Variants in DAB1 observed in about 807,000 individuals in gnomAD.
DAB1 encodes the protein DAB adaptor protein 1, also known as disabled homolog 1.
In DAB1, 15 loss-of-function variants were observed where a neutral mutation model predicts 64.6. The observed-to-expected ratio is 0.23, with a 90% CI of 0.16 to 0.36. DAB1 has a LOEUF of 0.36. Among genes scored for constraint, DAB1 ranks in the 10% least tolerant of loss-of-function variants. The probability of loss-of-function intolerance (pLI) is 1.00; values close to 1 mark genes in which losing one functional copy is unlikely to be tolerated. For missense variants in DAB1, 596 were observed against 706.7 expected, an observed-to-expected ratio of 0.84 and a Z score of 1.78; for synonymous variants, 235 against 251.9, an observed-to-expected ratio of 0.93 and a Z score of 0.64.
intron 14 of DAB1, among the ~76,000 whole-genome samples, chr1:57,009,639 T>C (rs1646202739): frequency 6.6e-6 from 1 of 152,096 alleles, no homozygotes; most frequent in South Asian, 2.1e-4. Flanking sequence ...GTTCAGAACT[T>C]AAAAAAGGAG....
rs117475984 is a variant in DAB1 at position 57,138,905 on chromosome 1, T to A, written c.208-2264A>T. Among the ~76,000 whole-genome samples the A allele has an allele frequency of 5.1e-4, 77 of 152,316 alleles. 1 individual carries two copies. In the South Asian group the frequency reaches 0.013, roughly 26 times the overall value. ...AATAGAACAAAAGTTCAGTTGTGCA[T>A]GGAACTTTTTTTATTTGGTTTGTGC... On this transcript the variant is annotated intron_variant, in intron 3 of 14. Transcript: ENST00000371236.
At chr1:57,925,474 T>C (rs1644865719) in intron 5 of DAB1, among the ~76,000 whole-genome samples, 1 of 152,176 alleles carries the variant, frequency 6.6e-6, no homozygotes, top group Non-Finnish European at 1.5e-5. Flanking sequence ...TTTTATTCAC[T>C]CTCTAAACAT....
intron 3 of DAB1, among the ~76,000 whole-genome samples, chr1:58,398,074 T>G (rs962341552): frequency 6.6e-6 from 1 of 152,086 alleles, no homozygotes; most frequent in Non-Finnish European, 1.5e-5. Flanking sequence ...GCACATGGAT[T>G]CCGATCTATC....
chr1:58,300,615 AGAGAGAGAGAG>A (rs1557726095), intron 4 of DAB1, among the ~76,000 whole-genome samples: 40 of 39,070 alleles, frequency 1.0e-3, no homozygotes, highest in Non-Finnish European at 1.3e-3. Flanking sequence ...AAAGAAAGAG[AGAGAGAGAGAG>A]AGAGAGAGAG....
At chr1:57,891,455 G>C (rs1644312373) in intron 5 of DAB1, among the ~76,000 whole-genome samples, 1 of 152,122 alleles carries the variant, frequency 6.6e-6, no homozygotes, top group African/African-American at 2.4e-5. Context: ...TGTGGTGATT[G>C]CTCAAAGATC....
intron 6 of DAB1, among the ~76,000 whole-genome samples, chr1:57,792,118 G>C (rs768396242): frequency 1.1e-4 from 17 of 152,098 alleles, no homozygotes; most frequent in Non-Finnish European, 4.4e-5. Flanking sequence ...ATGTGGACTT[G>C]AAAAACAGCT....
At chr1:57,604,091 A>G (rs975827816) in intron 7 of DAB1, among the ~76,000 whole-genome samples, 8 of 152,146 alleles carry the variant, frequency 5.3e-5, no homozygotes, top group African/African-American at 1.9e-4. Context: ...TGTCACCTCA[A>G]TGGGTATGAC....
At chr1:58,429,632 T>C (rs116250840) in intron 3 of DAB1, among the ~76,000 whole-genome samples, 1,543 of 152,104 alleles carry the variant, frequency 0.01, 28 homozygotes, top group African/African-American at 0.036. Flanking sequence ...AGGAAGTTTA[T>C]AGATAGAGAG....
At position 57,899,516 on chromosome 1, in the gene DAB1, G is replaced by T. The variant is rs575783424; in HGVS notation, n.388-15354C>A. ...TTTTAACAGAATAAAGGTCAAAGCA[G>T]TTGAAGATATCTTAGGTATCACTGG... is the stretch of plus-strand genomic sequence containing the variant. On this transcript the variant is annotated intron_variant and non_coding_transcript_variant, in intron 5 of 20. Coordinates refer to the DAB1 transcript ENST00000485760. Among the ~76,000 whole-genome samples the T allele has an allele frequency of 1.4e-4, 22 of 152,232 alleles. No individual in the cohort carries two copies. In the South Asian group the frequency reaches 4.6e-3, roughly 32 times the overall value.
At chr1:57,984,252 G>GA (rs1221803395) in intron 5 of DAB1, among the ~76,000 whole-genome samples, 2 of 132,836 alleles carry the variant, frequency 1.5e-5, no homozygotes, top group African/African-American at 5.8e-5. Context: ...AAGAAAGAAA[G>GA]AAAGAAAGAA....
chr1:57,054,748 G>T (rs544577074), intron 9 of DAB1, among the ~76,000 whole-genome samples: 1 of 152,286 alleles, frequency 6.6e-6, no homozygotes, highest in East Asian at 1.9e-4. Flanking sequence ...AAAGGGCTGG[G>T]ATTACAGGCG....
At chr1:57,726,764 A>T (rs1647216805) in intron 6 of DAB1, among the ~76,000 whole-genome samples, 1 of 152,214 alleles carries the variant, frequency 6.6e-6, no homozygotes, top group South Asian at 2.1e-4. Flanking sequence ...AGAATCATGT[A>T]GCTCAAAAGT....
chr1:57,932,602 T>C (rs1219331160), intron 5 of DAB1, among the ~76,000 whole-genome samples: 2 of 152,130 alleles, frequency 1.3e-5, no homozygotes, highest in Admixed American at 6.5e-5. Context: ...GTTTATCTTA[T>C]GTAGTTTGAT....
chr1:57,027,185 G>A (rs1195886917), intron 9 of DAB1, among the ~76,000 whole-genome samples: 1 of 152,158 alleles, frequency 6.6e-6, no homozygotes, highest in East Asian at 1.9e-4. Flanking sequence ...TTGGGCTCTG[G>A]AAAAGGTCCC....
intron 5 of DAB1, among the ~76,000 whole-genome samples, chr1:58,022,062 G>A (rs1557613366): frequency 6.6e-6 from 1 of 152,168 alleles, no homozygotes; most frequent in Non-Finnish European, 1.5e-5. Flanking sequence ...CCCTCTCTGA[G>A]GAACCTAGAC....
At chr1:58,025,886 C>T (rs1215974191) in intron 5 of DAB1, among the ~76,000 whole-genome samples, 1 of 151,838 alleles carries the variant, frequency 6.6e-6, no homozygotes, top group East Asian at 1.9e-4. Flanking sequence ...CATCCTAAAT[C>T]CAACTCCCCA....
At position 57,015,412 on chromosome 1, in the gene DAB1, A is replaced by G. The variant is rs144238190; in HGVS notation, c.915T>C (p.Ala305=). The part of the protein sequence containing the change: ...AVPSGYVAMG[A]VLPSFWGQQP... ...GCTGACCCCAGAAGGACGGGAGGAC[A>G]GCGCCCATTGCAACGTAACCTGGGA... The change falls in exon 12 of 15, where the codon GCT becomes GCC. Residue 305 remains alanine (A), a synonymous_variant. Coordinates refer to ENST00000371236, the MANE Select transcript of DAB1 (RefSeq NM_001365792.1). The G allele has an allele frequency of 3.1e-5, 50 of 1,610,816 alleles. No homozygotes were observed. The highest frequency in any genetic ancestry group is 4.2e-5 in the Non-Finnish European group (49 of 1,178,372).
chr1:58,417,815 C>T (rs1231933407), intron 3 of DAB1, among the ~76,000 whole-genome samples: 3 of 152,212 alleles, frequency 2.0e-5, no homozygotes, highest in African/African-American at 7.2e-5. Flanking sequence ...GAGTTCTGCT[C>T]TGACACTGAC....
chr1:57,846,472 AAAAAT>A (rs1653291527), intron 1 of DAB1, among the ~76,000 whole-genome samples: 1 of 142,188 alleles, frequency 7.0e-6, no homozygotes, highest in East Asian at 2.0e-4. Flanking sequence ...AAAAAAAAAA[AAAAAT>A]CAATGCTTCC....
Sources: allele counts gnomAD v4.1 joint callset (sites outside exome capture counted in the v4.1 genomes callset), GRCh38; gene constraint gnomAD v4.1.1; transcripts MANE v1.5; gene names NCBI Gene and HGNC (gene_info 2026-07-23, HGNC 2026-07-21).